Variants in PRR16 observed in about 807,000 individuals in gnomAD.
The protein encoded by PRR16 is proline rich 16, also known as protein Largen.
PRR16 carries 6 observed loss-of-function variants against 18.2 expected under a neutral mutation model. The ratio of observed to expected loss-of-function variants is 0.33; its 90% CI spans 0.18 to 0.65. The LOEUF is 0.65. Among genes scored for constraint, PRR16 ranks in the 30% least tolerant of loss-of-function variants. PRR16 has a pLI of 0.74. For missense variants in PRR16, 412 were observed against 376.6 expected, an observed-to-expected ratio of 1.09 and a Z score of -0.78; for synonymous variants, 151 against 147.8, an observed-to-expected ratio of 1.02 and a Z score of -0.16.
intron 1 of PRR16, among the ~76,000 whole-genome samples, chr5:120,599,165 A>G (rs1479794462): frequency 1.3e-5 from 2 of 151,644 alleles, no homozygotes; most frequent in Non-Finnish European, 2.9e-5. Flanking sequence ...TTGACAGATA[A>G]AACTTTCTAT....
chr5:120,747,690 A>G, the PRR16 span, among the ~76,000 whole-genome samples: 1 of 152,148 alleles, frequency 6.6e-6, no homozygotes, highest in Admixed American at 6.6e-5. Flanking sequence ...CATGTAGAAT[A>G]AGGCGCTTTT....
the PRR16 span, among the ~76,000 whole-genome samples, chr5:120,727,937 C>A: frequency 6.6e-6 from 1 of 151,758 alleles, no homozygotes; most frequent in Non-Finnish European, 1.5e-5. Context: ...ATAGAAGAAA[C>A]CCTGAATGTA....
At chr5:120,530,032 A>C (rs1751493344) in intron 1 of PRR16, among the ~76,000 whole-genome samples, 1 of 151,138 alleles carries the variant, frequency 6.6e-6, no homozygotes, top group African/African-American at 2.4e-5. Context: ...ACTTTTTATG[A>C]AGTTTATATT....
chr5:120,729,504 C>T, the PRR16 span, among the ~76,000 whole-genome samples: 2 of 152,182 alleles, frequency 1.3e-5, 1 homozygote, highest in South Asian at 4.2e-4. Flanking sequence ...CAACATGGCG[C>T]TAATAAATGA....
chr5:120,541,394 C>T (rs940079379), intron 1 of PRR16, among the ~76,000 whole-genome samples: 5 of 152,184 alleles, frequency 3.3e-5, no homozygotes, highest in Non-Finnish European at 5.9e-5. Flanking sequence ...GATCTGCCCA[C>T]CTCAGCCTCT....
At chr5:120,667,880 T>TA (rs1210635716) in intron 1 of PRR16, among the ~76,000 whole-genome samples, 1 of 152,132 alleles carries the variant, frequency 6.6e-6, no homozygotes, top group Non-Finnish European at 1.5e-5. Context: ...TCCAACTATG[T>TA]GTCAGTTTTG....
At chr5:120,489,514 C>T (rs1409658057) in intron 1 of PRR16, among the ~76,000 whole-genome samples, 1 of 152,162 alleles carries the variant, frequency 6.6e-6, no homozygotes, top group Non-Finnish European at 1.5e-5. Context: ...GGTAGACCTT[C>T]CTCCATCCCT....
intron 1 of PRR16, among the ~76,000 whole-genome samples, chr5:120,567,094 A>G (rs1257245440): frequency 1.3e-5 from 2 of 152,086 alleles, no homozygotes; most frequent in East Asian, 1.9e-4. Flanking sequence ...CATACTTATC[A>G]TACCTTATAA....
At chr5:120,473,749 T>C (rs913157714) in intron 1 of PRR16, among the ~76,000 whole-genome samples, 5 of 152,150 alleles carry the variant, frequency 3.3e-5, no homozygotes, top group African/African-American at 4.8e-5. Context: ...GGAGTTTACA[T>C]AGTGGATGGG....
chr5:120,678,382 A>T (rs1463148271), intron 1 of PRR16, among the ~76,000 whole-genome samples: 1 of 152,194 alleles, frequency 6.6e-6, no homozygotes, highest in African/African-American at 2.4e-5. Context: ...CTGGGGTAGG[A>T]TGGAAATAAA....
At chr5:120,785,775 T>C in the PRR16 span, among the ~76,000 whole-genome samples, 3 of 151,530 alleles carry the variant, frequency 2.0e-5, no homozygotes, top group Admixed American at 6.6e-5. Context: ...TTTCACCATA[T>C]TGGGCAGGCT....
chr5:120,700,439 G>GGGC, the PRR16 span, among the ~76,000 whole-genome samples: 10 of 152,028 alleles, frequency 6.6e-5, no homozygotes, highest in Non-Finnish European at 1.0e-4. Flanking sequence ...GTGGGTTAAG[G>GGGC]TGGGGGGATA....
At chr5:120,498,608 A>G (rs899584918) in intron 1 of PRR16, among the ~76,000 whole-genome samples, 4 of 151,654 alleles carry the variant, frequency 2.6e-5, no homozygotes, top group Non-Finnish European at 5.9e-5. Context: ...ATTTTTGTTT[A>G]CTATGTTCTT....
At chr5:120,759,405 A>G in the PRR16 span, among the ~76,000 whole-genome samples, 1 of 152,154 alleles carries the variant, frequency 6.6e-6, no homozygotes, top group South Asian at 2.1e-4. Flanking sequence ...AAACATATAA[A>G]GAACTCTTAA....
At chr5:120,710,528 A>G in the PRR16 span, among the ~76,000 whole-genome samples, 1 of 152,178 alleles carries the variant, frequency 6.6e-6, no homozygotes, top group Admixed American at 6.5e-5. Context: ...TACCACATGC[A>G]TGGTAGCTCA....
At chr5:120,754,987 G>T in the PRR16 span, among the ~76,000 whole-genome samples, 2 of 133,300 alleles carry the variant, frequency 1.5e-5, no homozygotes, top group African/African-American at 2.8e-5. Flanking sequence ...GAAACCTAGG[G>T]TTGATCATTT....
chr5:120,732,324 C>G, the PRR16 span, among the ~76,000 whole-genome samples: 1 of 152,180 alleles, frequency 6.6e-6, no homozygotes, highest in African/African-American at 2.4e-5. Flanking sequence ...AATGTCCCCA[C>G]TAGACTTTTC....
intron 1 of PRR16, among the ~76,000 whole-genome samples, chr5:120,514,804 ATTTC>A (rs1750934451): frequency 6.6e-6 from 1 of 151,604 alleles, no homozygotes; most frequent in African/African-American, 2.4e-5. Flanking sequence ...TATTTTCTCC[ATTTC>A]TTTCTTTCTT....
At chr5:120,602,206 GT>G (rs1754007159) in intron 1 of PRR16, among the ~76,000 whole-genome samples, 1 of 151,996 alleles carries the variant, frequency 6.6e-6, no homozygotes, top group Admixed American at 6.6e-5. Context: ...ACCGTGGAAT[GT>G]TTTTCCATTT....
Sources: allele counts gnomAD v4.1 joint callset (sites outside exome capture counted in the v4.1 genomes callset), GRCh38; gene constraint gnomAD v4.1.1; transcripts MANE v1.5; gene names NCBI Gene and HGNC (gene_info 2026-07-23, HGNC 2026-07-21).